Variants in ARHGAP22 observed in about 807,000 individuals in gnomAD.
ARHGAP22 encodes Rho GTPase activating protein 22, also known as rho GTPase-activating protein 22.
In ARHGAP22, 48 loss-of-function variants were observed where a neutral mutation model predicts 59.1. The observed-to-expected ratio is 0.81, with a 90% CI of 0.64 to 1.03. The LOEUF (loss-of-function observed/expected upper bound fraction) is 1.03. ARHGAP22 is among the 50% of genes least tolerant of loss of function. ARHGAP22 has a pLI of 0.00. For synonymous variants in ARHGAP22, 445 were observed against 416.4 expected (o/e 1.07, Z -0.84); for missense variants, 1,015 against 958.7 (o/e 1.06, Z -0.78).
chr10:48,625,390 A>G (rs554282424), intron 1 of ARHGAP22, among the ~76,000 whole-genome samples: 23 of 152,142 alleles, frequency 1.5e-4, no homozygotes, highest in Non-Finnish European at 4.4e-5. Flanking sequence ...CTGGAGTCCC[A>G]CAGAGAGTTT....
At chr10:48,637,788 A>G (rs2061883514) in intron 1 of ARHGAP22, among the ~76,000 whole-genome samples, 1 of 152,170 alleles carries the variant, frequency 6.6e-6, no homozygotes, top group Non-Finnish European at 1.5e-5. Context: ...GAAAAGGCAC[A>G]AAGTATCCTC....
In ARHGAP22 at chr10:48,450,548, G is replaced by A; in HGVS notation, c.1581C>T (p.Ser527=). ...CGCTGGCGCGGCAGGCCGTGCAGCTGCTGAGTGAGCCCCCCACCGACGACT... is the reference window on the plus strand; with the variant it reads ...CGCTGGCGCGGCAGGCCGTGCAGCTACTGAGTGAGCCCCCCACCGACGACT... The part of the protein sequence containing the change: ...SSESSVGGSL[S]SCTACRASDS... Residue 527 remains serine (S), a synonymous_variant, in exon 9 of 10, where the codon AGC becomes AGT. Coordinates refer to ENST00000249601, the MANE Select transcript of ARHGAP22 (RefSeq NM_021226.4). The A allele has an allele frequency of 2.0e-6, 3 of 1,522,674 alleles. No individual in the cohort carries two copies. The highest frequency in any genetic ancestry group is 2.5e-5 in the East Asian group (1 of 40,778). 94.3% of individuals were successfully genotyped at this position (1,522,674 alleles called of 1,614,324 possible).
intron 4 of ARHGAP22, among the ~76,000 whole-genome samples, chr10:48,462,733 C>T (rs1323211347): frequency 6.6e-6 from 1 of 152,262 alleles, no homozygotes; most frequent in Non-Finnish European, 1.5e-5. Context: ...AGACCAGGCG[C>T]CCCTGCCCAG....
At chr10:48,463,476 T>G (rs1017865601) in intron 4 of ARHGAP22, among the ~76,000 whole-genome samples, 5 of 152,200 alleles carry the variant, frequency 3.3e-5, no homozygotes, top group Non-Finnish European at 5.9e-5. Flanking sequence ...GGGGCTGACC[T>G]GGCAGTGCCC....
At chr10:48,445,740 G>C (rs1042627181), downstream of ARHGAP22, 6 of 154,686 alleles carry the variant, frequency 3.9e-5, no homozygotes, top group African/African-American at 1.4e-4. Context: ...GCAGAGCTAG[G>C]GCCATGGTGG....
At chr10:48,501,378 C>T (rs932235304) in intron 3 of ARHGAP22, among the ~76,000 whole-genome samples, 1 of 152,194 alleles carries the variant, frequency 6.6e-6, no homozygotes, top group Non-Finnish European at 1.5e-5. Context: ...TCTCACACCA[C>T]GTGTTCCAGG....
intron 3 of ARHGAP22, among the ~76,000 whole-genome samples, chr10:48,544,889 TA>T (rs1323659508): frequency 4.6e-5 from 7 of 152,172 alleles, no homozygotes; most frequent in African/African-American, 1.7e-4. Context: ...TGTGTCAATT[TA>T]AAAAATTAAA....
At chr10:48,621,970 C>G (rs1031945130) in intron 1 of ARHGAP22, among the ~76,000 whole-genome samples, 2 of 152,186 alleles carry the variant, frequency 1.3e-5, no homozygotes, top group African/African-American at 4.8e-5. Flanking sequence ...CCCTCCTCCT[C>G]TCCTTTGGTT....
intron 8 of ARHGAP22, chr10:48,451,481 G>C: frequency 1.4e-6 from 1 of 702,466 alleles, no homozygotes; most frequent in Non-Finnish European, 2.6e-6. Flanking sequence ...CTGGAACCTG[G>C]GACCTGAGAT....
At chr10:48,552,205 TC>T (rs1196097150) in intron 3 of ARHGAP22, among the ~76,000 whole-genome samples, 1 of 152,270 alleles carries the variant, frequency 6.6e-6, no homozygotes, top group African/African-American at 2.4e-5. Context: ...GTCAAGTTTT[TC>T]CCCCTCTTGG....
At chr10:48,653,865 G>A (rs543106778), upstream of ARHGAP22, among the ~76,000 whole-genome samples, 8 of 152,304 alleles carry the variant, frequency 5.3e-5, no homozygotes, top group East Asian at 7.7e-4. Flanking sequence ...TAAAGGTGTA[G>A]GATGCCCAGT....
chr10:48,608,265 A>G (rs2060750552), upstream of ARHGAP22, among the ~76,000 whole-genome samples: 1 of 152,140 alleles, frequency 6.6e-6, no homozygotes, highest in Non-Finnish European at 1.5e-5. Flanking sequence ...CCAACTTGAG[A>G]CAACTCCACC....
chr10:48,582,675 C>T, intron 2 of ARHGAP22: 1 of 494,152 alleles, frequency 2.0e-6, no homozygotes, highest in Non-Finnish European at 3.6e-6. Context: ...CCAAAAAGAA[C>T]ATGGAAGACG....
intron 3 of ARHGAP22, among the ~76,000 whole-genome samples, chr10:48,522,911 T>G (rs762700663): frequency 1.3e-5 from 2 of 152,238 alleles, no homozygotes; most frequent in Admixed American, 6.5e-5. Context: ...CATTTTCCCT[T>G]GACCTCTCTA....
At chr10:48,475,272 G>C (rs4342982) in intron 4 of ARHGAP22, among the ~76,000 whole-genome samples, 2 of 151,864 alleles carry the variant, frequency 1.3e-5, no homozygotes, top group Admixed American at 6.6e-5. Flanking sequence ...TCCCTCTTGG[G>C]GCTTGCTCTC....
chr10:48,504,664 T>C (rs1303408422), intron 3 of ARHGAP22, among the ~76,000 whole-genome samples: 1 of 152,082 alleles, frequency 6.6e-6, no homozygotes, highest in Admixed American at 6.5e-5. Context: ...GTGGGAAAAC[T>C]CCTGAGCTCT....
chr10:48,505,535 C>T (rs918066197), intron 3 of ARHGAP22, among the ~76,000 whole-genome samples: 2 of 152,074 alleles, frequency 1.3e-5, no homozygotes, highest in African/African-American at 2.4e-5. Context: ...CTCCTGCCAC[C>T]GAGCCCCATC....
At chr10:48,621,598 C>T (rs1270978998) in intron 1 of ARHGAP22, among the ~76,000 whole-genome samples, 1 of 152,164 alleles carries the variant, frequency 6.6e-6, no homozygotes, top group Admixed American at 6.5e-5. Context: ...TTACATTTGA[C>T]CCTGGGTGGC....
upstream of ARHGAP22, among the ~76,000 whole-genome samples, chr10:48,608,984 A>C (rs774000922): frequency 2.0e-5 from 3 of 152,226 alleles, no homozygotes; most frequent in Non-Finnish European, 4.4e-5. Flanking sequence ...GCTGCCATGC[A>C]TCTCTTCTCA....
Sources: allele counts gnomAD v4.1 joint callset (sites outside exome capture counted in the v4.1 genomes callset), GRCh38; gene constraint gnomAD v4.1.1; transcripts MANE v1.5; gene names NCBI Gene and HGNC (gene_info 2026-07-23, HGNC 2026-07-21).